The following POGZ variants were observed in gnomAD, a reference collection of about 807,000 sequenced individuals.
The protein encoded by POGZ is pogo transposable element with ZNF domain.
POGZ carries 17 observed loss-of-function variants against 134.6 expected under a neutral mutation model. The ratio of observed to expected loss-of-function variants is 0.13; its 90% CI spans 0.09 to 0.19. POGZ has a LOEUF of 0.19. Among genes scored for constraint, POGZ ranks in the 10% least tolerant of loss-of-function variants. The probability of loss-of-function intolerance (pLI) is 1.00; values close to 1 mark genes in which losing one functional copy is unlikely to be tolerated. For missense variants in POGZ, 1,306 were observed against 1,769.7 expected (o/e 0.74, Z 4.70); for synonymous variants, 693 against 657.1 (o/e 1.05, Z -0.84).
At chr1:151,416,699 CT>C (rs1655783794) in intron 10 of POGZ, among the ~76,000 whole-genome samples, 1 of 150,094 alleles carries the variant, frequency 6.7e-6, no homozygotes, top group Non-Finnish European at 1.5e-5. Flanking sequence ...TCATATCTCA[CT>C]GCTGGCTCGA....
chr1:151,416,980 C>A (rs1279224956), intron 10 of POGZ, among the ~76,000 whole-genome samples: 1 of 151,794 alleles, frequency 6.6e-6, no homozygotes, highest in Non-Finnish European at 1.5e-5. Context: ...ATATAATGAT[C>A]CACTGATATT....
intron 1 of POGZ, 145 bp downstream of exon 1, chr1:151,459,007 C>A (rs1409541635): frequency 7.1e-6 from 1 of 140,404 alleles, no homozygotes; most frequent in Non-Finnish European, 1.6e-5. Flanking sequence ...GGGGCGCGCA[C>A]CGCCGGCCCC....
At chr1:151,431,567 G>A (rs994684087) in intron 3 of POGZ, among the ~76,000 whole-genome samples, 1 of 152,140 alleles carries the variant, frequency 6.6e-6, no homozygotes, top group Non-Finnish European at 1.5e-5. Context: ...GAGACTGACA[G>A]GCTACCTACC....
At position 151,459,276 on chromosome 1, in the gene POGZ, A is replaced by G. The variant is rs920176606; in HGVS notation, c.-126T>C. The G allele has an allele frequency of 6.6e-6, 1 of 151,642 alleles. No homozygotes were observed. The highest frequency in any genetic ancestry group is 1.5e-5 in the Non-Finnish European group (1 of 67,904). 9.4% of individuals were successfully genotyped at this position (151,642 alleles called of 1,614,324 possible). Reference sequence around the variant, plus strand: ...GGGGACGGGGGCTTGGGGGGAGACGAAGAAGAGGTAACCGTTGAAAGCTCG... The same window carrying G: ...GGGGACGGGGGCTTGGGGGGAGACGGAGAAGAGGTAACCGTTGAAAGCTCG... On this transcript the variant is annotated 5_prime_UTR_variant, in exon 1 of 19. Transcript: ENST00000271715.
At chr1:151,415,319 T>C (rs1468437626) in intron 10 of POGZ, among the ~76,000 whole-genome samples, 3 of 152,150 alleles carry the variant, frequency 2.0e-5, no homozygotes, top group African/African-American at 7.2e-5. Context: ...TTACCTTTAA[T>C]GAGATGCTCA....
At chr1:151,427,746 A>G in intron 7 of POGZ, 77 bp downstream of exon 7, 1 of 949,882 alleles carries the variant, frequency 1.1e-6, no homozygotes, top group Non-Finnish European at 1.7e-6. Context: ...ATTTCTGAGT[A>G]TAAAGCTCTG....
chr1:151,435,498 C>CT (rs60354484), intron 3 of POGZ, among the ~76,000 whole-genome samples: 93,449 of 146,790 alleles, frequency 0.64, 32,950 homozygotes, highest in Non-Finnish European at 0.82. Flanking sequence ...TGATACTTTC[C>CT]TTTTTTTTTT....
At chr1:151,411,829 TAAAA>T in intron 11 of POGZ, 58 bp from the exon 12 acceptor site, 1 of 1,362,414 alleles carries the variant, frequency 7.3e-7, no homozygotes, top group Non-Finnish European at 9.8e-7. Flanking sequence ...TGAGAGGCCT[TAAAA>T]AAAAAGGTAG....
rs1660446930 is a variant in POGZ, at chr1:151,441,046, G to A, written c.165C>T (p.Ile55=). The part of the protein sequence containing the change: ...SQQPVSAPVP[I]AAHASVAGHL... ...GCCCAGCAACAGAAGCATGGGCAGC[G>A]ATGGGCACTGGAGCCGAGACTGGCT... The change falls in exon 3 of 19, where the codon ATC becomes ATT. Residue 55 remains isoleucine (I), a synonymous_variant. Transcript: ENST00000271715. 5 of 1,614,012 alleles carry A rather than the reference G, an allele frequency of 3.1e-6. No individual in the cohort carries two copies. Among genetic ancestry groups the A allele is most frequent in the South Asian group, 1.1e-5 (1 of 91,060 alleles).
chr1:151,408,875 C>T (rs1167091110), intron 12 of POGZ, 47 bp from the exon 13 acceptor site: 1 of 1,569,826 alleles, frequency 6.4e-7, no homozygotes, highest in Admixed American at 1.9e-5. Context: ...TTAAAGGTTC[C>T]TAATAAATTT....
At chr1:151,439,501 G>A (rs539932812) in intron 3 of POGZ, among the ~76,000 whole-genome samples, 5 of 152,234 alleles carry the variant, frequency 3.3e-5, no homozygotes, top group South Asian at 2.1e-4. Flanking sequence ...ACTTGACAAC[G>A]TCTATCAAAT....
In POGZ at chr1:151,408,470, G is replaced by A. The variant is rs201100256; in HGVS notation, c.2173C>T (p.Leu725=). 6.3e-7 allele frequency: 1 copy of A among 1,593,462 alleles called. No individual in the cohort carries two copies. Among genetic ancestry groups the A allele is most frequent in the East Asian group, 2.2e-5 (1 of 44,810 alleles). Residue 725 remains leucine, a synonymous_variant, in exon 14 of 19, where the codon CTG becomes TTG. Coordinates refer to ENST00000271715, the MANE Select transcript of POGZ (RefSeq NM_015100.4). ...AAPLTSSMDP[L]PVFLYPPVQR... is the part of the protein sequence containing the mutation. ...ACAGGGGGATAAAGGAAGACAGGCA[G>A]AGGGTCCATTGAGGAGGTCAGCGGT...
intron 13 of POGZ, 29 bp from the exon 14 acceptor site, chr1:151,408,610 CAT>C: frequency 6.2e-7 from 1 of 1,608,252 alleles, no homozygotes; most frequent in Non-Finnish European, 8.5e-7. Context: ...AACAATGAGA[CAT>C]CACCCACACT....
chr1:151,456,930 G>A (rs1662843887), intron 1 of POGZ, among the ~76,000 whole-genome samples: 1 of 152,220 alleles, frequency 6.6e-6, no homozygotes, highest in Admixed American at 6.5e-5. Flanking sequence ...GCATTCTCAA[G>A]TAGTTTGGTG....
Position 151,407,022 on chromosome 1 carries a change from C to T in POGZ, c.2434G>A (p.Gly812Arg). ...YLALFKNSVS[G>R]IKLACTSCTF... ...CATGAAGTGCAGGCCAGCTTGATTCCACTAAAAAAGAGAATTGAGACTATG... is the reference window on the plus strand; with the variant it reads ...CATGAAGTGCAGGCCAGCTTGATTCTACTAAAAAAGAGAATTGAGACTATG... The change falls in exon 17 of 19, where the codon GGA (glycine) becomes AGA (arginine). Residue 812 changes from glycine to arginine, a missense_variant and splice_region_variant. Coordinates refer to ENST00000271715, the MANE Select transcript of POGZ (RefSeq NM_015100.4). The T allele has an allele frequency of 5.0e-6, 8 of 1,611,510 alleles. No individual in the cohort carries two copies. The highest frequency in any genetic ancestry group is 6.8e-6 in the Non-Finnish European group (8 of 1,177,936).
At chr1:151,412,674 C>T (rs1350210886) in intron 10 of POGZ, among the ~76,000 whole-genome samples, 2 of 152,174 alleles carry the variant, frequency 1.3e-5, no homozygotes, top group African/African-American at 2.4e-5. Flanking sequence ...CCTAATTCAG[C>T]ATCCTCCTGT....
intron 10 of POGZ, among the ~76,000 whole-genome samples, chr1:151,416,206 A>T (rs1362787025): frequency 1.2e-5 from 1 of 84,414 alleles, no homozygotes; most frequent in Non-Finnish European, 2.6e-5. Context: ...GTGAAACTCC[A>T]TCTCAAAAAA....
rs565910039 is a variant in POGZ at position 151,404,797 on chromosome 1, A to T, written c.*5T>A. The T allele has an allele frequency of 6.3e-7, 1 of 1,578,074 alleles. No individual in the cohort carries two copies. Among genetic ancestry groups the T allele is most frequent in the African/African-American group, 1.4e-5 (1 of 70,254 alleles). ...TCACTCCACACCCCCTCATGACCCC[A>T]ACACTCAAATCTCCATCAGATCTAG... On this transcript the variant is annotated 3_prime_UTR_variant, in exon 19 of 19. Coordinates refer to ENST00000271715, the MANE Select transcript of POGZ (RefSeq NM_015100.4).
At chr1:151,442,564 AG>A (rs1660701134) in intron 1 of POGZ, 1 of 162,250 alleles carries the variant, frequency 6.2e-6, no homozygotes, top group Non-Finnish European at 1.3e-5. Flanking sequence ...TACAAAAATT[AG>A]CCAGGCGTGG....
Sources: gnomAD v4.1 joint callset for allele counts (sites outside exome capture counted in the v4.1 genomes callset) on GRCh38, gnomAD v4.1.1 for gene constraint, MANE v1.5 for transcripts, NCBI Gene and HGNC (gene_info 2026-07-23, HGNC 2026-07-21) for gene names.